Variants in RPS6KC1 observed in about 807,000 individuals in gnomAD.
RPS6KC1 encodes ribosomal protein S6 kinase C1.
RPS6KC1 carries 54 observed loss-of-function variants against 103.8 expected under a neutral mutation model. The ratio of observed to expected loss-of-function variants is 0.52; its 90% CI spans 0.42 to 0.65. The LOEUF (loss-of-function observed/expected upper bound fraction) is 0.65, where lower values mean the gene tolerates loss of function less well. Among genes scored for constraint, RPS6KC1 ranks in the 30% least tolerant of loss-of-function variants. The pLI is 0.00. For synonymous variants in RPS6KC1, 439 were observed against 438.7 expected, an observed-to-expected ratio of 1.00 and a Z score of -0.01; for missense variants, 1,151 against 1,253.8, an observed-to-expected ratio of 0.92 and a Z score of 1.24.
intron 8 of RPS6KC1, among the ~76,000 whole-genome samples, chr1:213,210,563 T>C (rs2093475927): frequency 6.6e-6 from 1 of 152,228 alleles, no homozygotes; most frequent in South Asian, 2.1e-4. Flanking sequence ...ACTTGTCAAT[T>C]TGAGAATGAG....
chr1:213,109,664 G>T (rs61834106), intron 4 of RPS6KC1, among the ~76,000 whole-genome samples: 1 of 152,002 alleles, frequency 6.6e-6, no homozygotes, highest in Non-Finnish European at 1.5e-5. Flanking sequence ...TGTGGCTATG[G>T]ATATACTACA....
At chr1:213,361,311 G>T in the RPS6KC1 span, among the ~76,000 whole-genome samples, 1 of 152,372 alleles carries the variant, frequency 6.6e-6, no homozygotes, top group African/African-American at 2.4e-5. Context: ...TCAGACTGCT[G>T]TGCTAGCAAT....
chr1:213,375,830 C>G, the RPS6KC1 span, among the ~76,000 whole-genome samples: 1 of 152,220 alleles, frequency 6.6e-6, no homozygotes, highest in African/African-American at 2.4e-5. Context: ...GCCTCCTCCC[C>G]GCTCTACTTT....
At chr1:213,764,399 A>G in the RPS6KC1 span, among the ~76,000 whole-genome samples, 2 of 152,172 alleles carry the variant, frequency 1.3e-5, no homozygotes, top group African/African-American at 2.4e-5. Context: ...TCCAGCACCC[A>G]AGGGCCCAGG....
At chr1:213,429,186 T>G in the RPS6KC1 span, 1 of 148,810 alleles carries the variant, frequency 6.7e-6, no homozygotes, top group Non-Finnish European at 1.5e-5. Context: ...GGTCTTGCTC[T>G]GTTGCCTAGG....
At chr1:213,675,483 G>A in the RPS6KC1 span, among the ~76,000 whole-genome samples, 5 of 152,194 alleles carry the variant, frequency 3.3e-5, no homozygotes, top group East Asian at 5.8e-4. Context: ...TTATTCTTTC[G>A]CATATGGCTA....
the RPS6KC1 span, among the ~76,000 whole-genome samples, chr1:213,317,778 G>T: frequency 6.6e-6 from 1 of 152,236 alleles, no homozygotes; most frequent in Non-Finnish European, 1.5e-5. Flanking sequence ...GCATAACCTA[G>T]TAGTAGAGTT....
At chr1:213,801,421 G>T in the RPS6KC1 span, among the ~76,000 whole-genome samples, 1 of 151,878 alleles carries the variant, frequency 6.6e-6, no homozygotes, top group South Asian at 2.1e-4. Context: ...TGATTACTTG[G>T]AGACATGTAA....
chr1:213,482,751 G>A, the RPS6KC1 span, among the ~76,000 whole-genome samples: 1 of 151,776 alleles, frequency 6.6e-6, no homozygotes, highest in African/African-American at 2.4e-5. Flanking sequence ...GTTTCACCAT[G>A]TTGGCCAGGG....
At chr1:213,156,716 C>A (rs1442970384) in intron 6 of RPS6KC1, among the ~76,000 whole-genome samples, 1 of 152,086 alleles carries the variant, frequency 6.6e-6, no homozygotes, top group African/African-American at 2.4e-5. Flanking sequence ...GTGGAAAAAA[C>A]CTGTCAACTG....
the RPS6KC1 span, among the ~76,000 whole-genome samples, chr1:213,614,836 A>G: frequency 6.6e-6 from 1 of 152,226 alleles, no homozygotes; most frequent in South Asian, 2.1e-4. Context: ...ATTGTGATCC[A>G]CAGGAGGAGA....
At chr1:213,683,751 C>A in the RPS6KC1 span, among the ~76,000 whole-genome samples, 1 of 152,178 alleles carries the variant, frequency 6.6e-6, no homozygotes, top group Non-Finnish European at 1.5e-5. Flanking sequence ...GTCCCAACTC[C>A]ACGTTCCCCA....
intron 3 of RPS6KC1, among the ~76,000 whole-genome samples, chr1:213,083,457 C>T (rs1387537341): frequency 6.6e-6 from 1 of 152,196 alleles, no homozygotes; most frequent in African/African-American, 2.4e-5. Flanking sequence ...TATTCCATGC[C>T]TATCCCACTA....
At chr1:213,439,720 G>T in the RPS6KC1 span, among the ~76,000 whole-genome samples, 1 of 152,110 alleles carries the variant, frequency 6.6e-6, no homozygotes, top group African/African-American at 2.4e-5. Context: ...TTCTTAAAAT[G>T]GTTCTTATTA....
the RPS6KC1 span, among the ~76,000 whole-genome samples, chr1:213,514,806 C>A: frequency 3.3e-5 from 5 of 152,210 alleles, no homozygotes; most frequent in South Asian, 8.3e-4. Context: ...AATCGCCACA[C>A]TGACTTCCAC....
At chr1:213,188,230 C>T (rs548259414) in intron 8 of RPS6KC1, among the ~76,000 whole-genome samples, 1 of 152,108 alleles carries the variant, frequency 6.6e-6, no homozygotes, top group African/African-American at 2.4e-5. Flanking sequence ...AAGTCTCCTG[C>T]TTGGGAACCC....
the RPS6KC1 span, among the ~76,000 whole-genome samples, chr1:213,363,418 A>G: frequency 1.3e-5 from 2 of 152,212 alleles, no homozygotes; most frequent in Non-Finnish European, 2.9e-5. Flanking sequence ...GATGTCAACA[A>G]GGACCAGCTC....
the RPS6KC1 span, among the ~76,000 whole-genome samples, chr1:213,708,486 A>G: frequency 2.6e-5 from 4 of 151,878 alleles, no homozygotes; most frequent in Admixed American, 6.6e-5. Context: ...ATCAGAGCCT[A>G]GGATTGCAAA....
the RPS6KC1 span, chr1:213,832,593 G>A: frequency 3.3e-5 from 5 of 152,078 alleles, no homozygotes; most frequent in Admixed American, 2.6e-4. Context: ...TATGTTCTAG[G>A]TTGCCATCAG....
Sources: allele counts gnomAD v4.1 joint callset (sites outside exome capture counted in the v4.1 genomes callset), GRCh38; gene constraint gnomAD v4.1.1; transcripts MANE v1.5; gene names NCBI Gene and HGNC (gene_info 2026-07-23, HGNC 2026-07-21).